ZFHX3: variants seen among roughly 807,000 people sequenced by gnomAD.
ZFHX3 encodes zinc finger homeobox 3, also known as zinc finger homeobox protein 3.
In ZFHX3, 42 loss-of-function variants were observed where a neutral mutation model predicts 279.1. That is an observed-to-expected ratio of 0.15 (90% confidence interval 0.12 to 0.19). ZFHX3 has a LOEUF of 0.19. Ranked by LOEUF, ZFHX3 falls within the 10% of genes least tolerant of loss-of-function variation. The probability of loss-of-function intolerance (pLI) is 1.00; values close to 1 mark genes in which losing one functional copy is unlikely to be tolerated. For synonymous variants in ZFHX3, 2,293 were observed against 1,957.8 expected, an observed-to-expected ratio of 1.17 and a Z score of -4.52; for missense variants, 4,981 against 4,754.0, an observed-to-expected ratio of 1.05 and a Z score of -1.40.
Position 72,798,719 on chromosome 16 carries a change from TAAAAAAAA to T in ZFHX3, c.3968-13_3968-6del. ...TTCCCAGATCCTCTGAGGTTTCTGT[TAAAAAAAA>T]AAAAAAAATCAAACCCAAAGATAAA... is the stretch of plus-strand genomic sequence containing the variant. On this transcript the variant is annotated splice_region_variant and splice_polypyrimidine_tract_variant and intron_variant, in intron 8 of 9. Transcript: ENST00000268489. 2 of 1,432,438 alleles carry T rather than the reference TAAAAAAAA, an allele frequency of 1.4e-6. No homozygotes were observed. The highest frequency in any genetic ancestry group is 1.8e-6 in the Non-Finnish European group (2 of 1,085,610). 88.7% of individuals were successfully genotyped at this position (1,432,438 alleles called of 1,614,324 possible).
At chr16:73,155,183 A>AAC (rs1555501452) in intron 5 of ZFHX3, among the ~76,000 whole-genome samples, 68 of 150,636 alleles carry the variant, frequency 4.5e-4, no homozygotes, top group Non-Finnish European at 8.1e-4. Context: ...AAAAAAACAA[A>AAC]AAAAAAAAAA....
intron 2 of ZFHX3, among the ~76,000 whole-genome samples, chr16:73,563,045 G>A (rs992488659): frequency 1.3e-5 from 2 of 152,108 alleles, no homozygotes; most frequent in South Asian, 4.1e-4. Context: ...GAAAATTTCA[G>A]TTAACCAGCA....
chr16:73,661,669 T>C (rs185491989), intron 2 of ZFHX3, among the ~76,000 whole-genome samples: 37 of 149,786 alleles, frequency 2.5e-4, no homozygotes, highest in Admixed American at 6.7e-5. Flanking sequence ...TTGCAGTGAG[T>C]TGAGATCCTG....
At chr16:72,978,096 C>G (rs1012824428) in intron 1 of ZFHX3, among the ~76,000 whole-genome samples, 5 of 152,138 alleles carry the variant, frequency 3.3e-5, no homozygotes, top group African/African-American at 1.2e-4. Context: ...AACTCCTGAC[C>G]TCAGGTGACC....
intron 1 of ZFHX3, among the ~76,000 whole-genome samples, chr16:72,971,646 C>A (rs78215949): frequency 0.021 from 3,200 of 152,134 alleles, 207 homozygotes; most frequent in Admixed American, 0.13. Flanking sequence ...CCCTCTGGAA[C>A]GTGCCAAACT....
intron 2 of ZFHX3, among the ~76,000 whole-genome samples, chr16:73,497,777 AG>A (rs1357504956): frequency 3.9e-5 from 6 of 152,226 alleles, no homozygotes; most frequent in Admixed American, 2.6e-4. Context: ...GGGTAGAAAA[AG>A]GTGGAGTTCT....
At chr16:73,597,196 C>T (rs1187429992) in intron 2 of ZFHX3, among the ~76,000 whole-genome samples, 1 of 152,226 alleles carries the variant, frequency 6.6e-6, no homozygotes, top group Non-Finnish European at 1.5e-5. Context: ...TACTTAACTT[C>T]TCATTCAGAA....
Position 73,180,943 on chromosome 16 carries a change from G to A in ZFHX3, c.-1103-37112C>T, listed in dbSNP as rs530004223. ...CGCCCAAAGTGCTGGGATTACAGGCGTGAGCCACCGCGCCTGGCCCATTGT... is the reference window on the plus strand; with the variant it reads ...CGCCCAAAGTGCTGGGATTACAGGCATGAGCCACCGCGCCTGGCCCATTGT... On this transcript the variant is annotated intron_variant, in intron 5 of 17. Transcript: ENST00000641206. 7.2e-5 allele frequency among the ~76,000 whole-genome samples: 11 copies of A among 152,258 alleles called. No homozygotes were observed. In the South Asian group the frequency reaches 1.0e-3, roughly 14 times the overall value.
intron 3 of ZFHX3, among the ~76,000 whole-genome samples, chr16:72,932,108 T>G: frequency 6.6e-6 from 1 of 152,202 alleles, no homozygotes; most frequent in East Asian, 1.9e-4. Context: ...ATAGTTCCCC[T>G]GAGTGTCCTG....
intron 1 of ZFHX3, among the ~76,000 whole-genome samples, chr16:73,738,395 A>G (rs1322192640): frequency 6.6e-6 from 1 of 152,192 alleles, no homozygotes; most frequent in Non-Finnish European, 1.5e-5. Flanking sequence ...CTGAAGCCTG[A>G]CACTGAAGGA....
chr16:72,800,531 T>G (rs1405892366), intron 7 of ZFHX3, among the ~76,000 whole-genome samples: 1 of 152,068 alleles, frequency 6.6e-6, no homozygotes, highest in African/African-American at 2.4e-5. Flanking sequence ...CCTAGTAAAG[T>G]ACACTGTAAT....
Position 72,958,309 on chromosome 16 carries a change from C to A in ZFHX3, c.1837G>T (p.Asp613Tyr), listed in dbSNP as rs761739295. ...TGGTGATGGGGAACGAAGCCCCCAT[C>A]GTCACCCTCTGTGCTTTCATTTGGT... ...PEPNESTEGD[D>Y]GGFVPHHQHA... Residue 613 changes from aspartate to tyrosine, a missense_variant, in exon 2 of 10, where the codon GAT becomes TAT. Transcript: ENST00000268489. 1 of 1,614,050 alleles carries A rather than the reference C, an allele frequency of 6.2e-7. No homozygotes were observed. Among genetic ancestry groups the A allele is most frequent in the Middle Eastern group, 1.6e-4 (1 of 6,062 alleles).
chr16:73,633,645 C>T (rs1011154879), intron 2 of ZFHX3, among the ~76,000 whole-genome samples: 2 of 152,188 alleles, frequency 1.3e-5, no homozygotes, highest in African/African-American at 4.8e-5. Flanking sequence ...CATAATATTG[C>T]TCAGTACTAG....
At chr16:73,327,913 T>C (rs986418396) in intron 3 of ZFHX3, among the ~76,000 whole-genome samples, 1 of 152,138 alleles carries the variant, frequency 6.6e-6, no homozygotes, top group African/African-American at 2.4e-5. Context: ...ATTTATAAAA[T>C]CCCAGAGAAT....
At chr16:73,733,387 C>G (rs1255274965) in intron 1 of ZFHX3, among the ~76,000 whole-genome samples, 1 of 152,138 alleles carries the variant, frequency 6.6e-6, no homozygotes, top group Non-Finnish European at 1.5e-5. Context: ...TCATTTAGAT[C>G]AAATGACTGG....
chr16:73,058,317 G>A (rs941900333), intron 1 of ZFHX3, among the ~76,000 whole-genome samples: 2 of 147,590 alleles, frequency 1.4e-5, no homozygotes, highest in Non-Finnish European at 1.5e-5. Flanking sequence ...GGGGGAAGGC[G>A]AGCGGGACGC....
chr16:73,352,234 G>A (rs1290359652), intron 3 of ZFHX3, among the ~76,000 whole-genome samples: 3 of 152,208 alleles, frequency 2.0e-5, no homozygotes, highest in Non-Finnish European at 4.4e-5. Context: ...GACACCCAGT[G>A]CACTGCATGG....
At chr16:73,285,575 G>A (rs1038962925) in intron 4 of ZFHX3, among the ~76,000 whole-genome samples, 13 of 152,184 alleles carry the variant, frequency 8.5e-5, no homozygotes, top group Admixed American at 4.6e-4. Context: ...TCTGCCTCAT[G>A]TACTAATATT....
chr16:73,473,339 C>CAAAAAAAAAAAAAAAAAAAA (rs11347779), intron 2 of ZFHX3, among the ~76,000 whole-genome samples: 23 of 76,664 alleles, frequency 3.0e-4, no homozygotes, highest in African/African-American at 6.5e-4. Context: ...TGTCTCAAAG[C>CAAAAAAAAAAAAAAAAAAAA]AAAAAAAAAA....
Sources: gnomAD v4.1 joint callset for allele counts (sites outside exome capture counted in the v4.1 genomes callset) on GRCh38, gnomAD v4.1.1 for gene constraint, MANE v1.5 for transcripts, NCBI Gene and HGNC (gene_info 2026-07-23, HGNC 2026-07-21) for gene names.